CEP89: variants seen among roughly 807,000 people sequenced by gnomAD.
The protein encoded by CEP89 is centrosomal protein of 89 kDa.
CEP89 carries 95 observed loss-of-function variants against 97.6 expected under a neutral mutation model. That is an observed-to-expected ratio of 0.97 (90% CI 0.82 to 1.15). The LOEUF is 1.15. CEP89 is among the 50% of genes most tolerant of loss of function. The probability of loss-of-function intolerance (pLI) is 0.00; values close to 1 mark genes in which losing one functional copy is unlikely to be tolerated. For synonymous variants in CEP89, 354 were observed against 349.1 expected (o/e 1.01, Z -0.16); for missense variants, 869 against 947.7 (o/e 0.92, Z 1.09).
intron 3 of CEP89, among the ~76,000 whole-genome samples, chr19:32,954,541 C>T (rs1278964153): frequency 2.0e-5 from 3 of 151,222 alleles, no homozygotes; most frequent in African/African-American, 7.3e-5. Flanking sequence ...TTTGTAGAGA[C>T]GGGGTTTCAC....
rs377061550 is a variant in CEP89 at position 32,971,816 on chromosome 19, G to A, written c.39+20C>T. ...CCGGCCCCACAGAGCCCCACGCGCG[G>A]CGGGCGAGCATCTACTTACGAAATG... is the stretch of plus-strand genomic sequence containing the variant. On this transcript the variant is annotated intron_variant, in intron 1 of 18. Transcript: ENST00000305768. The A allele has an allele frequency of 1.5e-4, 244 of 1,587,504 alleles. No individual in the cohort carries two copies. The highest frequency in any genetic ancestry group is 1.6e-4 in the Non-Finnish European group (187 of 1,166,088).
chr19:32,930,243 G>T (rs1970444225), intron 9 of CEP89, among the ~76,000 whole-genome samples: 1 of 151,856 alleles, frequency 6.6e-6, no homozygotes, highest in Non-Finnish European at 1.5e-5. Flanking sequence ...GGTCAGGCTG[G>T]TCTCAAACGC....
chr19:32,953,865 A>ATATTT, intron 3 of CEP89, 64 bp from the exon 4 acceptor site: 3 of 977,768 alleles, frequency 3.1e-6, no homozygotes, highest in South Asian at 1.7e-5. Context: ...ACTGATAAAT[A>ATATTT]TCTTTTTTTT....
At chr19:32,964,834 T>C (rs1971247331) in intron 2 of CEP89, among the ~76,000 whole-genome samples, 1 of 152,154 alleles carries the variant, frequency 6.6e-6, no homozygotes, top group African/African-American at 2.4e-5. Context: ...CTTGTCAGAA[T>C]GATAGATATA....
rs71336973 is a variant in CEP89 at position 32,892,202 on chromosome 19, C to CATATAT, written c.1876-4367_1876-4362dup. Among the ~76,000 whole-genome samples the CATATAT allele has an allele frequency of 9.3e-3, 1,067 of 114,802 alleles. 19 individuals carry two copies. Among genetic ancestry groups the CATATAT allele is most frequent in the East Asian group, 0.02 (55 of 2,800 alleles). 75.3% of individuals were successfully genotyped at this position (114,802 alleles called of 152,430 possible). ...TATATATTTAGAATATATATTTAGA[C>CATATAT]ATATATATATATATATATATATATA... On this transcript the variant is annotated intron_variant, in intron 16 of 18. Transcript: ENST00000305768.
In CEP89 at chr19:32,877,133, G is replaced by A. The variant is rs1969189594; in HGVS notation, c.*2029C>T. On this transcript the variant is annotated 3_prime_UTR_variant, in exon 19 of 19. Coordinates refer to ENST00000305768, the MANE Select transcript of CEP89 (RefSeq NM_032816.5). ...TCATCTCCTAGGGAGATGATACACA[G>A]TTTTCAATCCCAGTGAGTCTTTCTA... 1 of 152,218 alleles carries A rather than the reference G, an allele frequency of 6.6e-6. No homozygotes were observed. The highest frequency in any genetic ancestry group is 2.1e-4 in the South Asian group (1 of 4,824). The allele number at this position is 152,218 out of a possible 1,614,324, so 9.4% of individuals were successfully genotyped here.
At chr19:32,921,667 G>T (rs191804410) in intron 12 of CEP89, among the ~76,000 whole-genome samples, 7 of 152,320 alleles carry the variant, frequency 4.6e-5, no homozygotes, top group African/African-American at 1.7e-4. Context: ...TCCAGAATCT[G>T]CCAAGGTCTC....
At chr19:32,923,288 G>C (rs571513018) in intron 12 of CEP89, 151 bp downstream of exon 12, 613 of 468,360 alleles carry the variant, frequency 1.3e-3, no homozygotes, top group Admixed American at 2.5e-3. Context: ...TAATTTATTA[G>C]GGTTTTATTG....
chr19:32,901,693 T>A (rs1969775383), intron 14 of CEP89, among the ~76,000 whole-genome samples: 1 of 151,848 alleles, frequency 6.6e-6, no homozygotes, highest in African/African-American at 2.4e-5. Context: ...AGTGGCACAA[T>A]CATGGCTCAC....
intron 1 of CEP89, among the ~76,000 whole-genome samples, chr19:32,967,634 C>G (rs1786561282): frequency 6.6e-6 from 1 of 152,212 alleles, no homozygotes; most frequent in South Asian, 2.1e-4. Flanking sequence ...CTGGGGCCAG[C>G]CTGGGAATTT....
chr19:32,971,055 T>C (rs965675434), intron 1 of CEP89: 5 of 153,084 alleles, frequency 3.3e-5, no homozygotes, highest in African/African-American at 1.2e-4. Context: ...AATATAAGAA[T>C]CCCCTTGGCT....
chr19:32,961,361 G>C (rs1286021301), intron 2 of CEP89, among the ~76,000 whole-genome samples: 2 of 150,776 alleles, frequency 1.3e-5, no homozygotes, highest in Non-Finnish European at 2.9e-5. Flanking sequence ...ATGAGGTCAA[G>C]AGATGGAGAC....
chr19:32,879,071 C>T lies in CEP89; in HGVS notation c.*91G>A, dbSNP rs559764233. 1.8e-5 allele frequency: 19 copies of T among 1,027,940 alleles called. No homozygotes were observed. The highest frequency in any genetic ancestry group is 4.7e-5 in the African/African-American group (3 of 63,418). 63.7% of individuals were successfully genotyped at this position (1,027,940 alleles called of 1,614,324 possible). A position where few individuals can be genotyped will look rare whatever the true frequency, so the allele number is the denominator to read the frequency against. ...AGCGTTCAGTGGGCTTACGCACCTC[C>T]GGCTGCCACCATGGGCTGCCCTGCA... On this transcript the variant is annotated 3_prime_UTR_variant, in exon 19 of 19. Coordinates refer to ENST00000305768, the MANE Select transcript of CEP89 (RefSeq NM_032816.5).
chr19:32,892,566 A>G (rs1969553009), intron 16 of CEP89, among the ~76,000 whole-genome samples: 2 of 151,904 alleles, frequency 1.3e-5, no homozygotes, highest in Admixed American at 1.3e-4. Flanking sequence ...TCAGCCTCCC[A>G]AAGTGCTGGG....
intron 11 of CEP89, among the ~76,000 whole-genome samples, 157 bp from the exon 12 acceptor site, chr19:32,923,699 G>A (rs181004703): frequency 6.6e-6 from 1 of 152,280 alleles, no homozygotes; most frequent in Admixed American, 6.5e-5. Flanking sequence ...AGCACCAGTG[G>A]TGCCTGCTCT....
intron 1 of CEP89, chr19:32,971,204 G>C: frequency 3.5e-6 from 1 of 288,516 alleles, no homozygotes; most frequent in Admixed American, 5.1e-5. Context: ...GTATGTAGTG[G>C]GTATATCGGA....
At chr19:32,886,826 A>G (rs1305171324) in intron 17 of CEP89, among the ~76,000 whole-genome samples, 1 of 151,732 alleles carries the variant, frequency 6.6e-6, no homozygotes. Context: ...CCCCTCATAA[A>G]CAGCATGGCA....
intron 3 of CEP89, among the ~76,000 whole-genome samples, chr19:32,956,287 C>T (rs1470856538): frequency 6.6e-6 from 1 of 151,722 alleles, no homozygotes; most frequent in Non-Finnish European, 1.5e-5. Flanking sequence ...ATCTGCTGAC[C>T]TCGTGATCCG....
At chr19:32,971,269 G>T (rs1467217125) in intron 1 of CEP89, 1 of 391,668 alleles carries the variant, frequency 2.6e-6, no homozygotes, top group Non-Finnish European at 4.5e-6. Context: ...AATGAAGAAT[G>T]GCTATATCCA....
Sources: gnomAD v4.1 joint callset for allele counts (sites outside exome capture counted in the v4.1 genomes callset) on GRCh38, gnomAD v4.1.1 for gene constraint, MANE v1.5 for transcripts, NCBI Gene and HGNC (gene_info 2026-07-23, HGNC 2026-07-21) for gene names.